AKAP6: variants seen among roughly 807,000 people sequenced by gnomAD.
AKAP6 encodes A-kinase anchor protein 6.
Under a neutral mutation model 188.5 loss-of-function variants are expected in AKAP6, and 58 were observed. That is an observed-to-expected ratio of 0.31 (90% confidence interval 0.25 to 0.38). AKAP6 has a LOEUF of 0.38. Ranked by LOEUF, AKAP6 falls within the 10% of genes least tolerant of loss-of-function variation. The pLI is 1.00. For synonymous variants in AKAP6, 989 were observed against 998.6 expected, an observed-to-expected ratio of 0.99 and a Z score of 0.18; for missense variants, 2,710 against 2,740.0, an observed-to-expected ratio of 0.99 and a Z score of 0.24.
chr14:32,559,783 C>CTTTTT (rs35914295), intron 4 of AKAP6, among the ~76,000 whole-genome samples: 15 of 119,074 alleles, frequency 1.3e-4, no homozygotes, highest in African/African-American at 4.7e-4. Flanking sequence ...TAAGCCTAAT[C>CTTTTT]TTTTTTTTTT....
At chr14:32,722,013 A>G (rs2030563682) in intron 9 of AKAP6, among the ~76,000 whole-genome samples, 2 of 152,226 alleles carry the variant, frequency 1.3e-5, no homozygotes, top group African/African-American at 4.8e-5. Context: ...CTCAAGCTTC[A>G]GCATTTGACC....
intron 1 of AKAP6, among the ~76,000 whole-genome samples, chr14:32,363,232 T>G (rs1403935062): frequency 6.6e-6 from 1 of 152,206 alleles, no homozygotes; most frequent in Admixed American, 6.5e-5. Context: ...TACTAAGTGC[T>G]GTGGGAACAT....
At chr14:32,443,096 T>A (rs1482768520) in intron 2 of AKAP6, among the ~76,000 whole-genome samples, 1 of 151,956 alleles carries the variant, frequency 6.6e-6, no homozygotes, top group African/African-American at 2.4e-5. Flanking sequence ...CTGGGAAGCT[T>A]TAAAAAACCC....
intron 2 of AKAP6, among the ~76,000 whole-genome samples, chr14:32,469,555 A>C (rs1878653848): frequency 6.6e-6 from 1 of 152,208 alleles, no homozygotes; most frequent in Admixed American, 6.5e-5. Flanking sequence ...GAATGCTGAC[A>C]AGAAAAGTAC....
chr14:32,688,106 AAATATATAATATAG>A (rs1890012124), intron 8 of AKAP6, among the ~76,000 whole-genome samples: 1 of 150,712 alleles, frequency 6.6e-6, no homozygotes, highest in Non-Finnish European at 1.5e-5. Flanking sequence ...ATGAAGACAT[AAATATATAATATAG>A]TATATATATA....
intron 3 of AKAP6, among the ~76,000 whole-genome samples, chr14:32,537,457 A>G (rs547762308): frequency 5.3e-5 from 8 of 152,324 alleles, no homozygotes; most frequent in African/African-American, 1.4e-4. Flanking sequence ...TATCCTTGAT[A>G]GAATGTGCTA....
At chr14:32,709,972 T>C (rs1890972672) in intron 9 of AKAP6, among the ~76,000 whole-genome samples, 1 of 151,990 alleles carries the variant, frequency 6.6e-6, no homozygotes, top group South Asian at 2.1e-4. Context: ...TAGCAGAAAA[T>C]ATGCTAATAT....
At chr14:32,535,893 C>A in intron 3 of AKAP6, 88 bp downstream of exon 3, 3 of 1,516,740 alleles carry the variant, frequency 2.0e-6, no homozygotes, top group Non-Finnish European at 2.7e-6. Context: ...GATAGGAATT[C>A]TTTGTAGGTA....
chr14:32,522,875 C>T (rs1352249642), intron 2 of AKAP6, among the ~76,000 whole-genome samples: 3 of 152,044 alleles, frequency 2.0e-5, no homozygotes, highest in South Asian at 2.1e-4. Flanking sequence ...CACATGCACA[C>T]GTTATGTTTA....
rs1890323664 is a variant in AKAP6 at position 32,434,573 on chromosome 14, A to C, written c.324+756A>C. 3.9e-5 allele frequency among the ~76,000 whole-genome samples: 6 copies of C among 152,242 alleles called. No individual in the cohort carries two copies. In the South Asian group the frequency reaches 1.0e-3, roughly 26 times the overall value. Reference sequence around the variant, plus strand: ...GTGACCTGCAGAGCAAGACAGGTTTATAACCAATCAGGGCACTGGCCACAA... The same window carrying C: ...GTGACCTGCAGAGCAAGACAGGTTTCTAACCAATCAGGGCACTGGCCACAA... On this transcript the variant is annotated intron_variant, in intron 2 of 13. Transcript: ENST00000280979.
intron 11 of AKAP6, among the ~76,000 whole-genome samples, chr14:32,773,363 G>A (rs1566701098): frequency 6.6e-6 from 1 of 152,138 alleles, no homozygotes; most frequent in East Asian, 1.9e-4. Flanking sequence ...AATCTGTTTG[G>A]CATTCATGTG....
chr14:32,750,977 C>T (rs2032111345), intron 11 of AKAP6, among the ~76,000 whole-genome samples: 1 of 151,594 alleles, frequency 6.6e-6, no homozygotes, highest in Non-Finnish European at 1.5e-5. Context: ...CCTCGTGATC[C>T]ACCCCCTTGG....
intron 7 of AKAP6, among the ~76,000 whole-genome samples, chr14:32,611,822 A>G (rs1156423710): frequency 1.3e-5 from 2 of 152,210 alleles, no homozygotes; most frequent in African/African-American, 4.8e-5. Context: ...CACTTGAAGA[A>G]GATAGTTTCA....
intron 11 of AKAP6, among the ~76,000 whole-genome samples, chr14:32,743,592 T>C (rs1281862493): frequency 6.6e-6 from 1 of 152,162 alleles, no homozygotes; most frequent in Non-Finnish European, 1.5e-5. Context: ...TTATAACCCA[T>C]TATTTTAAGC....
At position 32,443,746 on chromosome 14, in the gene AKAP6, A is replaced by G. The variant is rs143273893; in HGVS notation, c.324+9929A>G. Reference sequence around the variant, plus strand: ...TCAAGTAACTTCATAAAGTCAGTATACGCAAAGGGAAGGAAGGGAGTAAGT... The same window carrying G: ...TCAAGTAACTTCATAAAGTCAGTATGCGCAAAGGGAAGGAAGGGAGTAAGT... On this transcript the variant is annotated intron_variant, in intron 2 of 13. Coordinates refer to ENST00000280979, the MANE Select transcript of AKAP6 (RefSeq NM_004274.5). 1.6e-3 allele frequency among the ~76,000 whole-genome samples: 245 copies of G among 152,290 alleles called. 2 individuals are homozygous for G. The highest frequency in any genetic ancestry group is 5.6e-3 in the African/African-American group (232 of 41,568).
chr14:32,798,161 C>T (rs111862838), intron 12 of AKAP6, among the ~76,000 whole-genome samples: 1,528 of 150,520 alleles, frequency 0.01, 23 homozygotes, highest in African/African-American at 0.035. Flanking sequence ...TATCATTAAT[C>T]ATTAGAGAAA....
intron 7 of AKAP6, among the ~76,000 whole-genome samples, chr14:32,661,628 G>A (rs1315433246): frequency 6.6e-6 from 1 of 152,082 alleles, no homozygotes; most frequent in African/African-American, 2.4e-5. Context: ...AGTTGTCCAT[G>A]TCTGTGCTGG....
chr14:32,616,484 T>C (rs1274416757), intron 7 of AKAP6, among the ~76,000 whole-genome samples: 1 of 152,182 alleles, frequency 6.6e-6, no homozygotes, highest in Non-Finnish European at 1.5e-5. Flanking sequence ...CCATTATCCT[T>C]AGCAAACTAA....
intron 7 of AKAP6, among the ~76,000 whole-genome samples, chr14:32,637,720 G>T (rs12323766): frequency 0.23 from 35,319 of 151,960 alleles, 4,529 homozygotes; most frequent in African/African-American, 0.31. Flanking sequence ...ACAATGAGAT[G>T]AGGGTGGAGA....
Sources: allele counts gnomAD v4.1 joint callset (sites outside exome capture counted in the v4.1 genomes callset), GRCh38; gene constraint gnomAD v4.1.1; transcripts MANE v1.5; gene names NCBI Gene and HGNC (gene_info 2026-07-23, HGNC 2026-07-21).